The following SCGN variants were observed in gnomAD, a reference collection of about 807,000 sequenced individuals.
SCGN encodes secretagogin.
A neutral mutation model predicts 39.7 loss-of-function variants in SCGN; 30 were observed. The observed-to-expected ratio is 0.76, with a 90% CI of 0.57 to 1.03. The LOEUF (loss-of-function observed/expected upper bound fraction) is 1.03. SCGN is among the 50% of genes least tolerant of loss of function. The pLI, the probability that SCGN is intolerant of heterozygous loss-of-function variation, is 0.00. For missense variants in SCGN, 353 were observed against 349.4 expected (o/e 1.01, Z -0.08); for synonymous variants, 106 against 114.1 (o/e 0.93, Z 0.45).
At chr6:25,673,763 C>T (rs1198360864) in intron 6 of SCGN, among the ~76,000 whole-genome samples, 1 of 152,134 alleles carries the variant, frequency 6.6e-6, no homozygotes, top group African/African-American at 2.4e-5. Context: ...CTCCAGATGG[C>T]CCCTGTGTTA....
chr6:25,674,265 C>T (rs1759537961), intron 6 of SCGN, among the ~76,000 whole-genome samples: 1 of 152,144 alleles, frequency 6.6e-6, no homozygotes, highest in Non-Finnish European at 1.5e-5. Context: ...AGTTTCCACC[C>T]AAAGATTTGA....
Position 25,699,974 on chromosome 6 carries a change from G to A in SCGN, c.703-1233G>A, listed in dbSNP as rs571752751. Reference sequence around the variant, plus strand: ...AAATTTAGGGCCAGTGGCCGGGCACGGTGGCTCACTCCTGTAATCCTAGCA... The same window carrying A: ...AAATTTAGGGCCAGTGGCCGGGCACAGTGGCTCACTCCTGTAATCCTAGCA... On this transcript the variant is annotated intron_variant, in intron 10 of 10. Coordinates refer to ENST00000377961, the MANE Select transcript of SCGN (RefSeq NM_006998.4). 5.9e-5 allele frequency among the ~76,000 whole-genome samples: 9 copies of A among 152,082 alleles called. No individual in the cohort carries two copies. In the South Asian group the frequency reaches 6.2e-4, roughly 11 times the overall value.
At chr6:25,691,909 A>C (rs1759777943) in intron 10 of SCGN, among the ~76,000 whole-genome samples, 1 of 152,138 alleles carries the variant, frequency 6.6e-6, no homozygotes, top group Non-Finnish European at 1.5e-5. Flanking sequence ...TCAGATTAAC[A>C]CTATGGAACC....
intron 4 of SCGN, among the ~76,000 whole-genome samples, chr6:25,669,176 T>G (rs561319795): frequency 3.3e-5 from 5 of 152,070 alleles, no homozygotes; most frequent in Non-Finnish European, 5.9e-5. Context: ...CTGAGGAGGC[T>G]TCTTAGTTTG....
At chr6:25,693,145 C>T (rs1759792390) in intron 10 of SCGN, among the ~76,000 whole-genome samples, 1 of 152,058 alleles carries the variant, frequency 6.6e-6, no homozygotes, top group Non-Finnish European at 1.5e-5. Flanking sequence ...AAATAATAGT[C>T]TTTATTATTT....
chr6:25,652,876 G>A (rs1760159277), intron 1 of SCGN, among the ~76,000 whole-genome samples: 1 of 151,916 alleles, frequency 6.6e-6, no homozygotes, highest in South Asian at 2.1e-4. Flanking sequence ...TGACTTTGCT[G>A]TACACCCCTC....
Position 25,669,567 on chromosome 6 carries a change from C to T in SCGN, c.393C>T (p.Arg131=), listed in dbSNP as rs755354645. ...SSGFISAAEL[R]NFLRDLFLHH... ...GCTTTATATCAGCTGCTGAGCTCCG[C>T]GTGAGTGTCACTGGGTGAAGGGTGG... The change falls in exon 5 of 11, where the codon CGC becomes CGT. Residue 131 remains arginine (R), a splice_region_variant and synonymous_variant. Transcript: ENST00000377961. 8 of 1,612,014 alleles carry T rather than the reference C, an allele frequency of 5.0e-6. No individual in the cohort carries two copies. The highest frequency in any genetic ancestry group is 3.4e-6 in the Non-Finnish European group (4 of 1,178,236).
In SCGN at chr6:25,694,999, G is replaced by A. The variant is rs80345289; in HGVS notation, c.702+3875G>A. Among the ~76,000 whole-genome samples, 358 of 152,324 alleles carry A rather than the reference G, an allele frequency of 2.4e-3. 2 individuals are homozygous for A. The highest frequency in any genetic ancestry group is 7.9e-3 in the African/African-American group (329 of 41,576). ...GGAAGCTGGCCCAGTTACAAAGTCT[G>A]GGTCAGGGTTTTTGGTGTTTGCAGT... is the stretch of plus-strand genomic sequence containing the variant. On this transcript the variant is annotated intron_variant, in intron 10 of 10. Transcript: ENST00000377961.
intron 7 of SCGN, among the ~76,000 whole-genome samples, chr6:25,687,859 G>T (rs1477526006): frequency 6.6e-6 from 1 of 151,298 alleles, no homozygotes; most frequent in African/African-American, 2.4e-5. Context: ...CATTTTTTTT[G>T]AGTTATTTTC....
chr6:25,684,079 C>T (rs573493848), intron 7 of SCGN, among the ~76,000 whole-genome samples: 1 of 152,250 alleles, frequency 6.6e-6, no homozygotes, highest in East Asian at 1.9e-4. Context: ...CTAGTTGTGC[C>T]CCCTTTATCA....
chr6:25,673,319 A>C (rs933571131), intron 6 of SCGN, among the ~76,000 whole-genome samples: 4 of 152,178 alleles, frequency 2.6e-5, no homozygotes, highest in Admixed American at 2.6e-4. Context: ...CCCTTAAACC[A>C]GACCCTCCAG....
chr6:25,664,566 C>T (rs1438706602), intron 3 of SCGN, among the ~76,000 whole-genome samples: 1 of 152,054 alleles, frequency 6.6e-6, no homozygotes, highest in Non-Finnish European at 1.5e-5. Flanking sequence ...GCATTATTTG[C>T]TATTTTTATT....
At chr6:25,679,105 C>G (rs995756632) in intron 6 of SCGN, 1 of 153,090 alleles carries the variant, frequency 6.5e-6, no homozygotes, top group African/African-American at 2.4e-5. Context: ...GTCCCTCCAC[C>G]ACCATCAGCT....
At chr6:25,672,700 G>T (rs1335443560) in intron 6 of SCGN, among the ~76,000 whole-genome samples, 1 of 152,144 alleles carries the variant, frequency 6.6e-6, no homozygotes, top group African/African-American at 2.4e-5. Flanking sequence ...ATGGAAAACG[G>T]CTAGAGGGCT....
chr6:25,689,357 A>G (rs570736985), intron 8 of SCGN, 116 bp from the exon 9 acceptor site: 2 of 1,170,058 alleles, frequency 1.7e-6, no homozygotes, highest in East Asian at 4.7e-5. Flanking sequence ...GCATGGAATC[A>G]AGGGATCTTA....
At chr6:25,699,879 G>A (rs1050998600) in intron 10 of SCGN, among the ~76,000 whole-genome samples, 2 of 152,064 alleles carry the variant, frequency 1.3e-5, no homozygotes, top group African/African-American at 4.8e-5. Flanking sequence ...AAAAGAAAAA[G>A]GTGCTGGTTT....
intron 10 of SCGN, among the ~76,000 whole-genome samples, chr6:25,699,283 T>C (rs1006130779): frequency 6.6e-6 from 1 of 152,170 alleles, no homozygotes; most frequent in Non-Finnish European, 1.5e-5. Context: ...AAAGGCTTTA[T>C]TCCCGTTAAT....
At chr6:25,670,712 C>T (rs182357076) in intron 6 of SCGN, among the ~76,000 whole-genome samples, 49 of 152,316 alleles carry the variant, frequency 3.2e-4, no homozygotes, top group Admixed American at 6.5e-4. Flanking sequence ...ATTTCCTGTT[C>T]CCCTCATGTC....
intron 6 of SCGN, among the ~76,000 whole-genome samples, chr6:25,674,607 A>G (rs895119805): frequency 2.0e-5 from 3 of 152,236 alleles, no homozygotes; most frequent in Non-Finnish European, 4.4e-5. Flanking sequence ...TTAGCATCAA[A>G]TGCTTTACTT....
Sources: gnomAD v4.1 joint callset for allele counts (sites outside exome capture counted in the v4.1 genomes callset) on GRCh38, gnomAD v4.1.1 for gene constraint, MANE v1.5 for transcripts, NCBI Gene and HGNC (gene_info 2026-07-23, HGNC 2026-07-21) for gene names.